The following HTR1E variants were observed in gnomAD, a reference collection of about 807,000 sequenced individuals.
HTR1E encodes the protein 5-HT-1E.
A neutral mutation model predicts 3.4 loss-of-function variants in HTR1E; 3 were observed. That is an observed-to-expected ratio of 0.89 (90% CI 0.41 to 2.31). The LOEUF is 2.31. Ranked by LOEUF, HTR1E falls within the 30% of genes most tolerant of loss-of-function variation. The pLI is 0.05. For missense variants in HTR1E, 392 were observed against 467.0 expected, an observed-to-expected ratio of 0.84 and a Z score of 1.48; for synonymous variants, 170 against 182.8, an observed-to-expected ratio of 0.93 and a Z score of 0.56.
intron 1 of HTR1E, among the ~76,000 whole-genome samples, chr6:86,981,990 A>T (rs1767718868): frequency 6.8e-6 from 1 of 148,026 alleles, no homozygotes; most frequent in African/African-American, 2.5e-5. Flanking sequence ...TGAGTGATGT[A>T]TCTGAACCCT....
At chr6:86,995,700 A>AAAAAAAAAAC (rs1767931791) in intron 1 of HTR1E, among the ~76,000 whole-genome samples, 1 of 130,070 alleles carries the variant, frequency 7.7e-6, no homozygotes, top group Non-Finnish European at 1.7e-5. Context: ...AAAAAAAAAA[A>AAAAAAAAAAC]AAAAGAAAAC....
rs758141604 is a variant in HTR1E at position 87,016,156 on chromosome 6, C to G, written c.822C>G (p.His274Gln). The change falls in exon 2 of 2, where the codon CAC becomes CAG. Residue 274 changes from histidine (H) to glutamine (Q), a missense_variant. Transcript: ENST00000305344. ...CCCCCTTCGACAATGATCTAGATCA[C>G]CCAGGAGAACGTCAGCAGATCTCTA... ...RIPPFDNDLD[H>Q]PGERQQISST... 1 of 1,614,128 alleles carries G rather than the reference C, an allele frequency of 6.2e-7. No individual in the cohort carries two copies. The highest frequency in any genetic ancestry group is 8.5e-7 in the Non-Finnish European group (1 of 1,180,024).
intron 1 of HTR1E, among the ~76,000 whole-genome samples, chr6:86,989,447 G>A (rs1255200236): frequency 6.6e-6 from 1 of 152,188 alleles, no homozygotes; most frequent in East Asian, 1.9e-4. Context: ...GTGGTTGTTG[G>A]AAGAAAAGAG....
At chr6:86,954,271 C>G (rs1457811043) in intron 1 of HTR1E, among the ~76,000 whole-genome samples, 1 of 152,176 alleles carries the variant, frequency 6.6e-6, no homozygotes, top group South Asian at 2.1e-4. Context: ...GTCTGCCTCT[C>G]ATCATATGGC....
At chr6:86,939,611 G>A (rs986929891) in intron 1 of HTR1E, among the ~76,000 whole-genome samples, 3 of 152,132 alleles carry the variant, frequency 2.0e-5, no homozygotes, top group Admixed American at 1.3e-4. Flanking sequence ...GCTTGTTTTC[G>A]CTTTCATAAC....
chr6:86,960,255 A>T (rs747307459), intron 1 of HTR1E, among the ~76,000 whole-genome samples: 12 of 152,174 alleles, frequency 7.9e-5, no homozygotes, highest in Non-Finnish European at 1.8e-4. Flanking sequence ...GGAAGGACAG[A>T]AGGGGGATGA....
chr6:86,992,892 G>C (rs1767890572), intron 1 of HTR1E, among the ~76,000 whole-genome samples: 1 of 152,136 alleles, frequency 6.6e-6, no homozygotes, highest in East Asian at 1.9e-4. Context: ...ATATTGAAAT[G>C]TTTCTCACTC....
intron 1 of HTR1E, among the ~76,000 whole-genome samples, chr6:86,972,877 A>G (rs552188906): frequency 3.3e-5 from 5 of 152,298 alleles, no homozygotes; most frequent in South Asian, 2.1e-4. Context: ...ATAAATCTGT[A>G]TAACTTTTAT....
Position 86,976,480 on chromosome 6 carries a change from T to A in HTR1E, c.-186+38657T>A, listed in dbSNP as rs566853181. On this transcript the variant is annotated intron_variant, in intron 1 of 1. Coordinates refer to ENST00000305344, the MANE Select transcript of HTR1E (RefSeq NM_000865.3). ...TTCATACACTTTTTGAGAACCAAAC[T>A]TCTGAATTTTTGTCTACATACTTGT... Among the ~76,000 whole-genome samples, 5 of 152,348 alleles carry A rather than the reference T, an allele frequency of 3.3e-5. 1 individual carries two copies. In the South Asian group the frequency reaches 8.3e-4, roughly 25 times the overall value.
chr6:87,014,166 G>A (rs12202446), intron 1 of HTR1E, among the ~76,000 whole-genome samples: 10,476 of 151,678 alleles, frequency 0.069, 495 homozygotes, highest in Middle Eastern at 0.11. Context: ...TGTAAATGAC[G>A]AGTTAAAGGA....
intron 1 of HTR1E, among the ~76,000 whole-genome samples, chr6:86,953,079 A>G (rs2127818381): frequency 6.6e-6 from 1 of 152,298 alleles, no homozygotes; most frequent in Middle Eastern, 3.4e-3. Flanking sequence ...AACCAGTTTC[A>G]TATTCTTTAC....
chr6:87,015,575 A>G lies in HTR1E; in HGVS notation c.241A>G (p.Ile81Val), dbSNP rs1322911543. The G allele has an allele frequency of 6.2e-7, 1 of 1,613,628 alleles. No homozygotes were observed. The highest frequency in any genetic ancestry group is 1.7e-5 in the Admixed American group (1 of 59,992). The change falls in exon 2 of 2, where the codon ATC becomes GTC. Residue 81 changes from isoleucine to valine, a missense_variant. Ile to Val is a conservative substitution (Grantham distance 29). This residue lies in a region of HTR1E where 189 missense variants were observed against 258.0 expected (regional missense o/e 0.73). Transcript: ENST00000305344. ...VAVLVMPLSI[I>V]YIVMDRWKLG... ...AGTGCTCGTCATGCCCCTGAGCATC[A>G]TCTACATTGTCATGGATCGCTGGAA...
At chr6:86,959,551 C>T (rs2127820036) in intron 1 of HTR1E, among the ~76,000 whole-genome samples, 1 of 152,250 alleles carries the variant, frequency 6.6e-6, no homozygotes, top group South Asian at 2.1e-4. Flanking sequence ...CCACTGCACT[C>T]CAGCGACTAG....
rs1400652506 is a variant in HTR1E at position 87,015,192 on chromosome 6, A to G, written c.-143A>G. On this transcript the variant is annotated 5_prime_UTR_variant, in exon 2 of 2. Transcript: ENST00000305344. Reference sequence around the variant, plus strand: ...AAATGCTGTGGCCCTTCCCTTTACCAACAGAAAATGGAACACAAGAGACCA... The same window carrying G: ...AAATGCTGTGGCCCTTCCCTTTACCGACAGAAAATGGAACACAAGAGACCA... 9.3e-6 allele frequency: 5 copies of G among 536,902 alleles called. No homozygotes were observed. Among genetic ancestry groups the G allele is most frequent in the African/African-American group, 1.9e-5 (1 of 51,292 alleles). 33.3% of individuals were successfully genotyped at this position (536,902 alleles called of 1,614,324 possible).
intron 1 of HTR1E, among the ~76,000 whole-genome samples, chr6:86,987,876 G>A (rs894834312): frequency 6.6e-6 from 1 of 152,100 alleles, no homozygotes; most frequent in African/African-American, 2.4e-5. Flanking sequence ...TCTCATTCAT[G>A]AAGGAGGAGC....
chr6:86,974,554 T>C (rs1430381726), intron 1 of HTR1E, among the ~76,000 whole-genome samples: 2 of 152,206 alleles, frequency 1.3e-5, no homozygotes, highest in Non-Finnish European at 2.9e-5. Flanking sequence ...TCAGTAGAAA[T>C]ATCACAGAAG....
At position 86,960,150 on chromosome 6, in the gene HTR1E, T is replaced by C. The variant is rs557931357; in HGVS notation, c.-186+22327T>C. Among the ~76,000 whole-genome samples, 123 of 152,268 alleles carry C rather than the reference T, an allele frequency of 8.1e-4. 2 individuals are homozygous for C. The highest frequency in any genetic ancestry group is 2.8e-3 in the African/African-American group (116 of 41,564). ...GATTTATAAAGAATAGAAATGTATG[T>C]CCCACAGTTCTAGAAGCTGGGTAAC... On this transcript the variant is annotated intron_variant, in intron 1 of 1. Coordinates refer to ENST00000305344, the MANE Select transcript of HTR1E (RefSeq NM_000865.3).
At chr6:86,944,333 G>A (rs1427975354) in intron 1 of HTR1E, among the ~76,000 whole-genome samples, 2 of 152,180 alleles carry the variant, frequency 1.3e-5, no homozygotes, top group African/African-American at 4.8e-5. Flanking sequence ...ATCATTGAGA[G>A]CCACCTGAGA....
intron 1 of HTR1E, among the ~76,000 whole-genome samples, chr6:87,012,851 A>G (rs1768258246): frequency 6.6e-6 from 1 of 152,230 alleles, no homozygotes; most frequent in Non-Finnish European, 1.5e-5. Flanking sequence ...GTTAAAGAAC[A>G]TGCTTAGGAT....
Sources: gnomAD v4.1 joint callset for allele counts (sites outside exome capture counted in the v4.1 genomes callset) on GRCh38, gnomAD v4.1.1 for gene constraint, gnomAD v4.1.1 regional missense constraint, MANE v1.5 for transcripts, NCBI Gene and HGNC (gene_info 2026-07-23, HGNC 2026-07-21) for gene names.